FANK1: variants seen among roughly 807,000 people sequenced by gnomAD.
The protein encoded by FANK1 is fibronectin type III and ankyrin repeat domains 1.
Under a neutral mutation model 45.3 loss-of-function variants are expected in FANK1, and 44 were observed. The observed-to-expected ratio is 0.97, with a 90% CI of 0.76 to 1.25. FANK1 has a LOEUF of 1.25. Among genes scored for constraint, FANK1 ranks in the 50% most tolerant of loss-of-function variants. FANK1 has a pLI of 0.00. For synonymous variants in FANK1, 149 were observed against 152.5 expected (o/e 0.98, Z 0.17); for missense variants, 391 against 424.4 (o/e 0.92, Z 0.69).
rs1223773955 is a variant in FANK1, at chr10:126,008,420, A to T, written c.719A>T (p.Asp240Val). The change falls in exon 8 of 11, where the codon GAC (aspartate) becomes GTC (valine). Residue 240 changes from aspartate to valine, a missense_variant. Physicochemically the swap from Asp to Val is radical, Grantham distance 152. Transcript: ENST00000368693. ...IKDGCEVDVV[D>V]TGSGWTPLMR... is the part of the protein sequence containing the mutation. ...CTGGCCCAACAGGTAGACGTCGTGG[A>T]CACTGGTTCAGGATGGACCCCACTC... The T allele has an allele frequency of 1.9e-6, 3 of 1,604,670 alleles. No individual in the cohort carries two copies. Among genetic ancestry groups the T allele is most frequent in the Non-Finnish European group, 2.5e-6 (3 of 1,176,486 alleles).
Position 125,909,141 on chromosome 10 carries a change from A to G in FANK1, c.13+12486A>G, listed in dbSNP as rs569939906. ...AGGGTTGCTTGAATGTCCTTGCAGT[A>G]TGGTAGCTACTTTCACCCAGGGTGA... is the stretch of plus-strand genomic sequence containing the variant. On this transcript the variant is annotated intron_variant, in intron 1 of 10. Transcript: ENST00000368693. Among the ~76,000 whole-genome samples, 19 of 152,342 alleles carry G rather than the reference A, an allele frequency of 1.2e-4. No homozygotes were observed. In the East Asian group the frequency reaches 2.7e-3, roughly 22 times the overall value.
At chr10:125,970,208 G>T (rs1442879973) in intron 1 of FANK1, among the ~76,000 whole-genome samples, 2 of 152,130 alleles carry the variant, frequency 1.3e-5, no homozygotes, top group African/African-American at 4.8e-5. Context: ...TGGCTGGGCA[G>T]AGGGGCCCCC....
At chr10:125,969,640 GTATT>G (rs1950371375) in intron 1 of FANK1, among the ~76,000 whole-genome samples, 1 of 151,676 alleles carries the variant, frequency 6.6e-6, no homozygotes, top group African/African-American at 2.4e-5. Flanking sequence ...ATTTTTTTTA[GTATT>G]TATTGATCAT....
At chr10:125,898,543 A>G (rs1944767109) in intron 1 of FANK1, among the ~76,000 whole-genome samples, 2 of 152,140 alleles carry the variant, frequency 1.3e-5, no homozygotes, top group African/African-American at 4.8e-5. Context: ...AATTACTTGT[A>G]CATAGGCCCT....
intron 3 of FANK1, among the ~76,000 whole-genome samples, chr10:125,990,167 A>G (rs1012251538): frequency 2.6e-5 from 4 of 152,318 alleles, no homozygotes; most frequent in Admixed American, 2.6e-4. Context: ...CACTTCTTGC[A>G]TCTTAAGTAT....
At chr10:125,961,788 A>G (rs1227839872) in intron 1 of FANK1, among the ~76,000 whole-genome samples, 1 of 152,178 alleles carries the variant, frequency 6.6e-6, no homozygotes, top group Non-Finnish European at 1.5e-5. Flanking sequence ...TTTTCAAAAA[A>G]TAAAAGTTAG....
At position 126,004,921 on chromosome 10, in the gene FANK1, G is replaced by C; in HGVS notation, c.577G>C (p.Val193Leu). 6.2e-7 allele frequency: 1 copy of C among 1,614,226 alleles called. No homozygotes were observed. Among genetic ancestry groups the C allele is most frequent in the Non-Finnish European group, 8.5e-7 (1 of 1,180,046 alleles). Reference protein sequence around the residue: ...LACYAGHLDVVKYLRRHGASW... With the variant: ...LACYAGHLDVLKYLRRHGASW... Reference sequence around the variant, plus strand: ...GTGCTATGCGGGACACCTAGATGTTGTGAAATATCTCCGAAGACATGGCGC... The same window carrying C: ...GTGCTATGCGGGACACCTAGATGTTCTGAAATATCTCCGAAGACATGGCGC... The change falls in exon 7 of 11, where the codon GTG (valine) becomes CTG (leucine). Residue 193 changes from valine to leucine, a missense_variant. Val to Leu is a conservative substitution (Grantham distance 32). Coordinates refer to ENST00000368693, the MANE Select transcript of FANK1 (RefSeq NM_145235.5).
In FANK1 at chr10:125,988,632, T is replaced by TG; in HGVS notation, c.277dup (p.Glu93GlyfsTer3). On this transcript the variant is annotated frameshift_variant, in exon 3 of 11. Coordinates refer to ENST00000368693, the MANE Select transcript of FANK1 (RefSeq NM_145235.5). LOFTEE classifies it high-confidence loss of function. The stretch of plus-strand genomic sequence containing the variant: ...TTCGCCTGAAGGTCACCAGCCCCTC[T>TG]GGGGAGTGTGAGTACAGCCCACTCG... 1 of 1,614,174 alleles carries TG rather than the reference T, an allele frequency of 6.2e-7. No homozygotes were observed. The highest frequency in any genetic ancestry group is 8.5e-7 in the Non-Finnish European group (1 of 1,180,034).
At chr10:125,933,651 G>A (rs1947893288) in intron 1 of FANK1, among the ~76,000 whole-genome samples, 1 of 151,910 alleles carries the variant, frequency 6.6e-6, no homozygotes, top group African/African-American at 2.4e-5. Flanking sequence ...TCGGATCTTG[G>A]TAATTTCCTT....
intron 1 of FANK1, among the ~76,000 whole-genome samples, chr10:125,900,968 T>C (rs1382291190): frequency 2.0e-5 from 3 of 152,058 alleles, no homozygotes; most frequent in Non-Finnish European, 4.4e-5. Context: ...CCCCCCTTTT[T>C]TTTTTGTAGT....
At chr10:126,009,303 T>G in intron 10 of FANK1, 37 bp downstream of exon 10, 2 of 1,614,186 alleles carry the variant, frequency 1.2e-6, no homozygotes, top group South Asian at 2.2e-5. Flanking sequence ...GGCTAATTTT[T>G]AGTCCTTCTA....
chr10:125,902,798 T>C (rs2134102518), intron 1 of FANK1, among the ~76,000 whole-genome samples: 1 of 152,428 alleles, frequency 6.6e-6, no homozygotes, highest in East Asian at 1.9e-4. Context: ...CTGGTAAGGA[T>C]TTAAAAGTAA....
chr10:125,999,601 CT>C (rs1952606775), intron 6 of FANK1, among the ~76,000 whole-genome samples: 1 of 152,062 alleles, frequency 6.6e-6, no homozygotes, highest in South Asian at 2.1e-4. Flanking sequence ...TGGCAAATTC[CT>C]TTCCAAAATT....
intron 2 of FANK1, among the ~76,000 whole-genome samples, chr10:125,988,281 C>T (rs1423663436): frequency 2.0e-5 from 3 of 152,186 alleles, no homozygotes; most frequent in Admixed American, 6.5e-5. Context: ...TCGTGGTTAA[C>T]GTGATTATTT....
chr10:125,997,061 TA>T, intron 5 of FANK1, among the ~76,000 whole-genome samples: 1 of 152,222 alleles, frequency 6.6e-6, no homozygotes, highest in Admixed American at 6.5e-5. Context: ...ATATTTTAAT[TA>T]AATGCCATTT....
chr10:125,924,086 A>G (rs920891133), intron 1 of FANK1, among the ~76,000 whole-genome samples: 4 of 152,180 alleles, frequency 2.6e-5, no homozygotes, highest in African/African-American at 9.6e-5. Flanking sequence ...ACTACACTCC[A>G]GCCTGGGCAA....
At chr10:125,977,776 G>T (rs1006197418) in intron 1 of FANK1, among the ~76,000 whole-genome samples, 2 of 152,204 alleles carry the variant, frequency 1.3e-5, no homozygotes, top group African/African-American at 4.8e-5. Flanking sequence ...CCATGCTGGG[G>T]AGAGTGGGTG....
At chr10:125,933,022 A>T (rs957955015) in intron 1 of FANK1, among the ~76,000 whole-genome samples, 7 of 152,172 alleles carry the variant, frequency 4.6e-5, no homozygotes, top group Admixed American at 4.6e-4. Flanking sequence ...GCATATGTTA[A>T]ACCATCCCTG....
intron 1 of FANK1, among the ~76,000 whole-genome samples, chr10:125,911,417 G>T (rs1200810342): frequency 1.3e-5 from 2 of 152,202 alleles, no homozygotes; most frequent in Non-Finnish European, 2.9e-5. Flanking sequence ...ATAAGTTTCT[G>T]TTGTTTTAAG....
Sources: allele counts gnomAD v4.1 joint callset (sites outside exome capture counted in the v4.1 genomes callset), GRCh38; gene constraint gnomAD v4.1.1; transcripts MANE v1.5; gene names NCBI Gene and HGNC (gene_info 2026-07-23, HGNC 2026-07-21).